Variants in ANO4 observed in about 807,000 individuals in gnomAD.
ANO4 encodes the protein anoctamin 4.
ANO4 carries 69 observed loss-of-function variants against 141.9 expected under a neutral mutation model. The ratio of observed to expected loss-of-function variants is 0.49; its 90% CI spans 0.40 to 0.59. The LOEUF (loss-of-function observed/expected upper bound fraction) is 0.59. ANO4 is among the 20% of genes least tolerant of loss of function. The pLI is 0.00. For synonymous variants in ANO4, 350 were observed against 394.3 expected (o/e 0.89, Z 1.33); for missense variants, 894 against 1,162.2 (o/e 0.77, Z 3.36).
intron 3 of ANO4, among the ~76,000 whole-genome samples, chr12:100,782,761 T>A (rs1360875458): frequency 6.6e-6 from 1 of 150,886 alleles, no homozygotes. Context: ...TTTTATAGAC[T>A]TCCTTCCCTT....
At chr12:100,742,248 A>G (rs551823304) in intron 3 of ANO4, among the ~76,000 whole-genome samples, 1 of 152,274 alleles carries the variant, frequency 6.6e-6, no homozygotes, top group South Asian at 2.1e-4. Flanking sequence ...AGTCTCGACA[A>G]TGACTATGTG....
chr12:100,807,157 A>G (rs1031178456), intron 1 of ANO4, among the ~76,000 whole-genome samples: 2 of 152,198 alleles, frequency 1.3e-5, no homozygotes, highest in African/African-American at 2.4e-5. Context: ...TCCCCCAACA[A>G]CTACCTAGTT....
At chr12:100,965,186 A>G (rs1210055495) in intron 5 of ANO4, among the ~76,000 whole-genome samples, 1 of 152,080 alleles carries the variant, frequency 6.6e-6, no homozygotes, top group African/African-American at 2.4e-5. Flanking sequence ...CCAGCCCCTC[A>G]CTGCAGTTAA....
chr12:100,936,802 T>A (rs919068378), intron 3 of ANO4, among the ~76,000 whole-genome samples: 1 of 152,218 alleles, frequency 6.6e-6, no homozygotes, highest in Non-Finnish European at 1.5e-5. Context: ...GGGTCTGCCA[T>A]GTGTCAGTCA....
rs569566619 is a variant in ANO4, at chr12:100,988,501, C to A, written c.734+831C>A. 3.3e-5 allele frequency among the ~76,000 whole-genome samples: 5 copies of A among 149,344 alleles called. No individual in the cohort carries two copies. The South Asian group carries it at 1.1e-3, about 32-fold the overall frequency. On this transcript the variant is annotated intron_variant, in intron 8 of 27. Coordinates refer to ENST00000392977, the MANE Select transcript of ANO4 (RefSeq NM_001286615.2). ...TTGCTCCAGCAGTAGTGACAGCCTC[C>A]ATAAAAATGACTTACCTGGAGGGAA...
chr12:101,064,388 A>G (rs1274112766), intron 14 of ANO4, among the ~76,000 whole-genome samples: 1 of 152,172 alleles, frequency 6.6e-6, no homozygotes, highest in East Asian at 1.9e-4. Flanking sequence ...CAGTTCTTTT[A>G]AATTTACTGA....
rs1401489063 is a variant in ANO4, at chr12:100,922,248, C to G, written c.78C>G (p.Gly26=). 6.5e-7 allele frequency: 1 copy of G among 1,532,358 alleles called. No homozygotes were observed. Among genetic ancestry groups the G allele is most frequent in the South Asian group, 1.2e-5 (1 of 83,534 alleles). 94.9% of individuals were successfully genotyped at this position (1,532,358 alleles called of 1,614,324 possible). ...TAGAAGGAGGTGTGGATTTGCAAGG[C>G]TACCAGCTGGATATGCAAATACTAC... The part of the protein sequence containing the change: ...FHPEGGVDLQ[G]YQLDMQILPD... The change falls in exon 3 of 28, where the codon GGC becomes GGG. Residue 26 remains glycine (G), a synonymous_variant. Coordinates refer to ENST00000392977, the MANE Select transcript of ANO4 (RefSeq NM_001286615.2).
chr12:100,858,613 T>G (rs570467116), intron 1 of ANO4, among the ~76,000 whole-genome samples: 1 of 152,318 alleles, frequency 6.6e-6, no homozygotes, highest in South Asian at 2.1e-4. Flanking sequence ...AAAGAGCTTT[T>G]GTTTTTATTT....
At chr12:100,813,479 T>G (rs2035563354) in intron 1 of ANO4, among the ~76,000 whole-genome samples, 1 of 152,204 alleles carries the variant, frequency 6.6e-6, no homozygotes, top group South Asian at 2.1e-4. Context: ...CAAGGCATCC[T>G]TCTTATCCAT....
intron 17 of ANO4, among the ~76,000 whole-genome samples, chr12:101,093,938 C>A (rs1289274609): frequency 6.6e-6 from 1 of 152,136 alleles, no homozygotes; most frequent in Non-Finnish European, 1.5e-5. Flanking sequence ...GACTACCCAG[C>A]ACTGCCTAGA....
At chr12:100,770,089 G>A (rs756285078) in intron 3 of ANO4, among the ~76,000 whole-genome samples, 10 of 152,130 alleles carry the variant, frequency 6.6e-5, no homozygotes, top group Non-Finnish European at 1.3e-4. Flanking sequence ...TGAATATTGC[G>A]ATAGCTATGT....
intron 3 of ANO4, among the ~76,000 whole-genome samples, chr12:100,925,373 T>G (rs1045135444): frequency 6.6e-6 from 1 of 152,148 alleles, no homozygotes; most frequent in Non-Finnish European, 1.5e-5. Flanking sequence ...TTCCCCTCCC[T>G]GTGTCCATAT....
intron 24 of ANO4, among the ~76,000 whole-genome samples, chr12:101,115,676 CTG>C (rs1319629888): frequency 1.3e-5 from 2 of 152,162 alleles, no homozygotes; most frequent in African/African-American, 2.4e-5. Flanking sequence ...ATATGTAAAA[CTG>C]TTTAGAGACT....
At chr12:100,974,975 A>G (rs2044099448) in intron 7 of ANO4, 86 bp downstream of exon 7, 4 of 1,485,922 alleles carry the variant, frequency 2.7e-6, no homozygotes, top group Admixed American at 1.7e-5. Flanking sequence ...AAGCTGGGGA[A>G]GATGAGCCTG....
intron 14 of ANO4, among the ~76,000 whole-genome samples, chr12:101,055,816 G>A (rs2048092792): frequency 6.6e-6 from 1 of 152,062 alleles, no homozygotes; most frequent in Non-Finnish European, 1.5e-5. Context: ...TTAGGTTTAT[G>A]ACTTATTTCA....
rs550943402 is a variant in ANO4, at chr12:101,116,532, G to A, written c.2451-147G>A. ...TTCAACATGCCCAGGGCTTTCCAGCGTATCCCAACCTGAGTCCTGGTTGAC... is the reference window on the plus strand; with the variant it reads ...TTCAACATGCCCAGGGCTTTCCAGCATATCCCAACCTGAGTCCTGGTTGAC... On this transcript the variant is annotated intron_variant, in intron 24 of 27. Transcript: ENST00000392977. 82 of 1,125,452 alleles carry A rather than the reference G, an allele frequency of 7.3e-5. No individual in the cohort carries two copies. In the Middle Eastern group the frequency reaches 1.0e-3, roughly 14 times the overall value. The allele number at this position is 1,125,452 out of a possible 1,614,324, so 69.7% of individuals were successfully genotyped here.
chr12:101,044,646 G>A (rs2047550879), intron 13 of ANO4, among the ~76,000 whole-genome samples: 1 of 152,150 alleles, frequency 6.6e-6, no homozygotes, highest in South Asian at 2.1e-4. Flanking sequence ...GGGAACATTT[G>A]ATAGGCAACC....
At chr12:100,878,040 C>T (rs2039401953) in intron 1 of ANO4, among the ~76,000 whole-genome samples, 1 of 151,972 alleles carries the variant, frequency 6.6e-6, no homozygotes, top group Non-Finnish European at 1.5e-5. Flanking sequence ...TTTTTTCCTA[C>T]TAGCATTATC....
chr12:100,731,405 A>G (rs954553110), intron 1 of ANO4, among the ~76,000 whole-genome samples: 1 of 152,218 alleles, frequency 6.6e-6, no homozygotes, highest in Non-Finnish European at 1.5e-5. Context: ...AGGAAGTTAC[A>G]GAAGAGTTCC....
Sources: gnomAD v4.1 joint callset for allele counts (sites outside exome capture counted in the v4.1 genomes callset) on GRCh38, gnomAD v4.1.1 for gene constraint, MANE v1.5 for transcripts, NCBI Gene and HGNC (gene_info 2026-07-23, HGNC 2026-07-21) for gene names.